NAV3: variants seen among roughly 807,000 people sequenced by gnomAD.
NAV3 encodes the protein pore membrane and/or filament interacting like protein 1.
Under a neutral mutation model 244.7 loss-of-function variants are expected in NAV3, and 87 were observed. The observed-to-expected ratio is 0.36, with a 90% CI of 0.30 to 0.42. The LOEUF is 0.42. Among genes scored for constraint, NAV3 ranks in the 20% least tolerant of loss-of-function variants. The probability of loss-of-function intolerance (pLI) is 1.00; values close to 1 mark genes in which losing one functional copy is unlikely to be tolerated. For synonymous variants in NAV3, 1,126 were observed against 1,042.2 expected, an observed-to-expected ratio of 1.08 and a Z score of -1.55; for missense variants, 2,663 against 2,893.3, an observed-to-expected ratio of 0.92 and a Z score of 1.83.
chr12:78,071,316 T>C (rs564935955), intron 12 of NAV3, among the ~76,000 whole-genome samples: 34 of 152,300 alleles, frequency 2.2e-4, no homozygotes, highest in African/African-American at 8.2e-4. Context: ...ATGATGAGTA[T>C]CTTTTCTTGT....
At chr12:78,046,536 A>G (rs1433652918) in intron 9 of NAV3, among the ~76,000 whole-genome samples, 2 of 152,082 alleles carry the variant, frequency 1.3e-5, no homozygotes, top group Non-Finnish European at 2.9e-5. Flanking sequence ...TGTAGTTGTG[A>G]AGTTTTAAGT....
At chr12:77,602,162 A>G (rs1187036904) in intron 2 of NAV3, among the ~76,000 whole-genome samples, 1 of 152,042 alleles carries the variant, frequency 6.6e-6, no homozygotes, top group African/African-American at 2.4e-5. Flanking sequence ...ATTGGCTACA[A>G]TTTAGTCACA....
chr12:78,122,528 C>A (rs2138713700), intron 16 of NAV3, 100 bp downstream of exon 16: 1 of 1,403,504 alleles, frequency 7.1e-7, no homozygotes, highest in Non-Finnish European at 9.5e-7. Context: ...TGTGAGTGCC[C>A]CGGTGCAAAA....
chr12:77,918,632 G>A (rs981589016), intron 1 of NAV3, among the ~76,000 whole-genome samples: 10 of 152,052 alleles, frequency 6.6e-5, no homozygotes, highest in Non-Finnish European at 1.5e-4. Flanking sequence ...TCAGCTAGGT[G>A]ATAGTTTCTG....
intron 2 of NAV3, among the ~76,000 whole-genome samples, chr12:77,787,401 A>G (rs1040230576): frequency 5.9e-5 from 9 of 152,164 alleles, no homozygotes; most frequent in African/African-American, 1.9e-4. Flanking sequence ...GGTAATTTAT[A>G]AAGGAAAGAG....
intron 1 of NAV3, among the ~76,000 whole-genome samples, chr12:77,885,173 A>G (rs1883133606): frequency 6.6e-6 from 1 of 152,132 alleles, no homozygotes; most frequent in African/African-American, 2.4e-5. Context: ...GGGTTAAGCA[A>G]TTAAAATGTT....
In NAV3 at chr12:78,166,297, A is replaced by G. The variant is rs548588291; in HGVS notation, c.4870-2458A>G. ...AGAGAAAAGAGATGGGTGTGGCTTG[A>G]GTGACAAGGTGAGAGCAGATCTCAT... On this transcript the variant is annotated intron_variant, in intron 23 of 39. Coordinates refer to ENST00000397909, the MANE Select transcript of NAV3 (RefSeq NM_001024383.2). Among the ~76,000 whole-genome samples the G allele has an allele frequency of 2.8e-3, 420 of 151,968 alleles. 1 individual carries two copies. The highest frequency in any genetic ancestry group is 2.8e-3 in the Non-Finnish European group (187 of 67,848).
chr12:77,657,083 G>C (rs1293936236), intron 2 of NAV3, among the ~76,000 whole-genome samples: 1 of 152,044 alleles, frequency 6.6e-6, no homozygotes, highest in African/African-American at 2.4e-5. Flanking sequence ...TCAAAAGCTA[G>C]CAGGGGCAGA....
chr12:77,576,696 G>T (rs1869100968), intron 2 of NAV3, among the ~76,000 whole-genome samples: 1 of 151,966 alleles, frequency 6.6e-6, no homozygotes, highest in Admixed American at 6.6e-5. Context: ...ACTTAAGATT[G>T]TTTATGTTGG....
At chr12:77,896,161 G>T (rs1286358452) in intron 1 of NAV3, among the ~76,000 whole-genome samples, 1 of 151,910 alleles carries the variant, frequency 6.6e-6, no homozygotes, top group East Asian at 1.9e-4. Flanking sequence ...TTATCCTCTG[G>T]TTTAATTGTC....
intron 2 of NAV3, among the ~76,000 whole-genome samples, chr12:77,587,738 A>G (rs1401861580): frequency 6.6e-6 from 1 of 152,224 alleles, no homozygotes; most frequent in East Asian, 1.9e-4. Flanking sequence ...TACAAATAAG[A>G]TGCATGAATA....
intron 22 of NAV3, among the ~76,000 whole-genome samples, chr12:78,149,312 A>C (rs184050174): frequency 6.6e-6 from 1 of 152,240 alleles, no homozygotes; most frequent in East Asian, 1.9e-4. Context: ...TGTATTGAAC[A>C]ATTTGTTAAG....
chr12:78,177,492 T>TTTTTCATTTTC (rs1214837937), intron 27 of NAV3, 128 bp from the exon 28 acceptor site: 2 of 1,149,290 alleles, frequency 1.7e-6, no homozygotes, highest in Non-Finnish European at 2.4e-6. Flanking sequence ...TTTTCATTTT[T>TTTTTCATTTTC]CTTTTTCATT....
chr12:77,612,966 C>A (rs113061251), intron 2 of NAV3, among the ~76,000 whole-genome samples: 83 of 152,160 alleles, frequency 5.5e-4, no homozygotes, highest in African/African-American at 1.8e-3. Context: ...CCTCTTGCTG[C>A]CTCCATGTGA....
At chr12:77,783,005 G>T (rs1473418286) in intron 2 of NAV3, among the ~76,000 whole-genome samples, 1 of 152,014 alleles carries the variant, frequency 6.6e-6, no homozygotes, top group African/African-American at 2.4e-5. Flanking sequence ...CAGTTCCTTA[G>T]CAATTGTTTT....
At chr12:77,626,116 A>G (rs1871608776) in intron 2 of NAV3, among the ~76,000 whole-genome samples, 1 of 152,214 alleles carries the variant, frequency 6.6e-6, no homozygotes, top group Non-Finnish European at 1.5e-5. Flanking sequence ...AGAAGCAAAC[A>G]GAAATCCCAG....
At chr12:77,887,305 A>T (rs1565890943) in intron 1 of NAV3, among the ~76,000 whole-genome samples, 1 of 152,104 alleles carries the variant, frequency 6.6e-6, no homozygotes, top group Admixed American at 6.6e-5. Context: ...TTTCTACACA[A>T]CTATATAGGG....
chr12:77,745,073 A>C (rs1476793231), intron 2 of NAV3, among the ~76,000 whole-genome samples: 1 of 152,018 alleles, frequency 6.6e-6, no homozygotes, highest in African/African-American at 2.4e-5. Context: ...AAGTGTGATA[A>C]GGAACACTAA....
chr12:77,591,433 A>G (rs1177009010), intron 2 of NAV3, among the ~76,000 whole-genome samples: 1 of 152,216 alleles, frequency 6.6e-6, no homozygotes, highest in Non-Finnish European at 1.5e-5. Flanking sequence ...TGTTTTACAC[A>G]AACTCCAAAG....
Sources: allele counts gnomAD v4.1 joint callset (sites outside exome capture counted in the v4.1 genomes callset), GRCh38; gene constraint gnomAD v4.1.1; transcripts MANE v1.5; gene names NCBI Gene and HGNC (gene_info 2026-07-23, HGNC 2026-07-21).